The following RALGAPA1 variants were observed in gnomAD, a reference collection of about 807,000 sequenced individuals.
The protein encoded by RALGAPA1 is Ral GTPase activating protein catalytic subunit alpha 1, also known as ral GTPase-activating protein subunit alpha-1.
Under a neutral mutation model 269.6 loss-of-function variants are expected in RALGAPA1, and 52 were observed. The ratio of observed to expected loss-of-function variants is 0.19; its 90% CI spans 0.15 to 0.24. RALGAPA1 has a LOEUF of 0.24. Ranked by LOEUF, RALGAPA1 falls within the 10% of genes least tolerant of loss-of-function variation. The pLI is 1.00. For synonymous variants in RALGAPA1, 817 were observed against 1,008.3 expected (o/e 0.81, Z 3.60); for missense variants, 1,917 against 3,013.9 (o/e 0.64, Z 8.52).
chr14:35,543,744 G>A (rs984307503), intron 41 of RALGAPA1, among the ~76,000 whole-genome samples: 1 of 152,242 alleles, frequency 6.6e-6, no homozygotes, highest in Admixed American at 6.5e-5. Context: ...CCGGGTTCAA[G>A]TGATTCTCCT....
chr14:35,629,278 A>AGG (rs746104578), intron 33 of RALGAPA1, among the ~76,000 whole-genome samples: 44 of 83,672 alleles, frequency 5.3e-4, no homozygotes, highest in African/African-American at 1.1e-3. Context: ...TAGGATGTTT[A>AGG]GGGGGTGTGT....
chr14:35,698,411 T>G (rs1374709836), intron 17 of RALGAPA1, among the ~76,000 whole-genome samples: 1 of 152,162 alleles, frequency 6.6e-6, no homozygotes, highest in Non-Finnish European at 1.5e-5. Flanking sequence ...TGCCAATATA[T>G]TAAGTTGCAG....
intron 1 of RALGAPA1, among the ~76,000 whole-genome samples, chr14:35,795,814 C>CA (rs35882089): frequency 0.017 from 2,096 of 122,220 alleles, 22 homozygotes; most frequent in Non-Finnish European, 0.025. Context: ...ATTTCTCTAC[C>CA]AAAAAAAAAA....
chr14:35,806,709 G>C (rs551572254), intron 1 of RALGAPA1, among the ~76,000 whole-genome samples: 1 of 152,230 alleles, frequency 6.6e-6, no homozygotes, highest in East Asian at 1.9e-4. Flanking sequence ...CTGTGTAACT[G>C]GCAATGCCCA....
chr14:35,727,446 T>C (rs182780942), intron 13 of RALGAPA1, among the ~76,000 whole-genome samples: 94 of 150,774 alleles, frequency 6.2e-4, no homozygotes, highest in Middle Eastern at 3.4e-3. Context: ...TTTGAGCTTT[T>C]TTCTTTTTTA....
chr14:35,575,884 G>A (rs1390083419), intron 37 of RALGAPA1, among the ~76,000 whole-genome samples: 2 of 152,012 alleles, frequency 1.3e-5, no homozygotes, highest in Admixed American at 6.6e-5. Flanking sequence ...GTGAGCCACC[G>A]TGCCTGGCCC....
intron 36 of RALGAPA1, among the ~76,000 whole-genome samples, chr14:35,599,623 C>T (rs12880828): frequency 0.1 from 15,275 of 152,074 alleles, 1,131 homozygotes; most frequent in Non-Finnish European, 0.15. Context: ...TGGCGCATGA[C>T]TGTAATCCCA....
At chr14:35,693,637 A>T (rs2066674760) in intron 17 of RALGAPA1, among the ~76,000 whole-genome samples, 2 of 151,982 alleles carry the variant, frequency 1.3e-5, no homozygotes, top group South Asian at 4.1e-4. Context: ...TGTTAATCTA[A>T]AGCATTAGAA....
intron 7 of RALGAPA1, 61 bp downstream of exon 7, chr14:35,756,732 G>A: frequency 8.5e-7 from 1 of 1,173,890 alleles, no homozygotes; most frequent in Non-Finnish European, 1.2e-6. Flanking sequence ...GTAAGAGACA[G>A]AAAAGGGAAT....
In RALGAPA1 at chr14:35,575,722, G is replaced by C. The variant is rs1332594871; in HGVS notation, c.7210-3004C>G. On this transcript the variant is annotated intron_variant, in intron 37 of 41. Transcript: ENST00000680220. Reference sequence around the variant, plus strand: ...CGATTATCTTGCCTCAGCTTCCCAAGTAGCTGGGATTACAGGCTCCCACCC... The same window carrying C: ...CGATTATCTTGCCTCAGCTTCCCAACTAGCTGGGATTACAGGCTCCCACCC... 2.0e-5 allele frequency among the ~76,000 whole-genome samples: 3 copies of C among 152,098 alleles called. No individual in the cohort carries two copies. The East Asian group carries it at 5.8e-4, about 29-fold the overall frequency.
intron 35 of RALGAPA1, among the ~76,000 whole-genome samples, chr14:35,606,811 G>A (rs11156889): frequency 0.35 from 52,113 of 150,592 alleles, 12,419 homozygotes; most frequent in African/African-American, 0.67. Context: ...GTTCTTTAAA[G>A]AATTTAGTCT....
chr14:35,808,897 G>GA lies in RALGAPA1; in HGVS notation c.-63dup, dbSNP rs577719696. ...GGCTCCCAGCCGGGTCCCGGCGGCA[G>GA]AAAGTGGAGGGAGTGGACGGGGAGG... On this transcript the variant is annotated 5_prime_UTR_variant, in exon 1 of 42. Transcript: ENST00000680220. 3.7e-4 allele frequency: 580 copies of GA among 1,566,056 alleles called. 1 individual carries two copies. The East Asian group carries it at 0.01, about 28-fold the overall frequency.
At chr14:35,665,412 T>C (rs1318357474) in intron 26 of RALGAPA1, among the ~76,000 whole-genome samples, 1 of 152,202 alleles carries the variant, frequency 6.6e-6, no homozygotes, top group Non-Finnish European at 1.5e-5. Context: ...CATCAACATC[T>C]TCCTACTAAT....
intron 31 of RALGAPA1, among the ~76,000 whole-genome samples, chr14:35,643,498 A>T (rs149220533): frequency 8.9e-4 from 135 of 152,310 alleles, no homozygotes; most frequent in East Asian, 5.8e-4. Flanking sequence ...ACTAACAAAG[A>T]TAACTACTAT....
Position 35,728,529 on chromosome 14 carries a change from T to C in RALGAPA1, c.1588-19A>G, listed in dbSNP as rs374174341. 6.4e-6 allele frequency: 10 copies of C among 1,572,778 alleles called. No homozygotes were observed. The highest frequency in any genetic ancestry group is 1.4e-5 in the African/African-American group (1 of 72,926). Reference sequence around the variant, plus strand: ...TAAACACCTAAGACAAAAGAAATCATTAGCTATTCACAAAGGAATTTCAAT... The same window carrying C: ...TAAACACCTAAGACAAAAGAAATCACTAGCTATTCACAAAGGAATTTCAAT... On this transcript the variant is annotated intron_variant, in intron 12 of 41. Coordinates refer to ENST00000680220, the MANE Select transcript of RALGAPA1 (RefSeq NM_001346249.2).
chr14:35,563,374 AAAG>A (rs1035827365), intron 39 of RALGAPA1, among the ~76,000 whole-genome samples: 2 of 152,174 alleles, frequency 1.3e-5, no homozygotes, highest in Admixed American at 1.3e-4. Flanking sequence ...TGGGCCTGAA[AAAG>A]AAGAGCATTC....
At chr14:35,801,112 AG>A (rs2076938915) in intron 1 of RALGAPA1, among the ~76,000 whole-genome samples, 1 of 151,852 alleles carries the variant, frequency 6.6e-6, no homozygotes, top group Non-Finnish European at 1.5e-5. Context: ...TAAAACCAAA[AG>A]ATAGTTCTTT....
chr14:35,799,029 A>G (rs145010443), intron 1 of RALGAPA1, among the ~76,000 whole-genome samples: 5 of 151,854 alleles, frequency 3.3e-5, no homozygotes, highest in Middle Eastern at 3.4e-3. Flanking sequence ...AGAAATGAAG[A>G]GCACTGTAAA....
chr14:35,763,941 C>CAGAT (rs1395381221), intron 4 of RALGAPA1, among the ~76,000 whole-genome samples: 2 of 152,164 alleles, frequency 1.3e-5, no homozygotes, highest in African/African-American at 4.8e-5. Flanking sequence ...AAAACATTGA[C>CAGAT]AGATGCTCTA....
Sources: gnomAD v4.1 joint callset for allele counts (sites outside exome capture counted in the v4.1 genomes callset) on GRCh38, gnomAD v4.1.1 for gene constraint, MANE v1.5 for transcripts, NCBI Gene and HGNC (gene_info 2026-07-23, HGNC 2026-07-21) for gene names.